SGCZ: variants seen among roughly 807,000 people sequenced by gnomAD.
SGCZ encodes zeta-sarcoglycan.
In SGCZ, 40 loss-of-function variants were observed where a neutral mutation model predicts 41.3. The ratio of observed to expected loss-of-function variants is 0.97; its 90% CI spans 0.75 to 1.26. SGCZ has a LOEUF of 1.26. Among genes scored for constraint, SGCZ ranks in the 50% most tolerant of loss-of-function variants. The pLI, the probability that SGCZ is intolerant of heterozygous loss-of-function variation, is 0.00. For synonymous variants in SGCZ, 206 were observed against 137.5 expected (o/e 1.50, Z -3.49); for missense variants, 552 against 369.8 (o/e 1.49, Z -4.04).
At chr8:14,827,958 G>C (rs994915529) in intron 1 of SGCZ, among the ~76,000 whole-genome samples, 1 of 152,052 alleles carries the variant, frequency 6.6e-6, no homozygotes, top group South Asian at 2.1e-4. Context: ...AAAGAACTAG[G>C]CAAAGTGTTC....
chr8:14,134,300 T>A (rs1803128935), intron 5 of SGCZ, among the ~76,000 whole-genome samples: 1 of 152,236 alleles, frequency 6.6e-6, no homozygotes, highest in South Asian at 2.1e-4. Flanking sequence ...ATAATTTTTG[T>A]CCTCCAGAAC....
chr8:14,238,638 A>T (rs1484572291), intron 3 of SGCZ, among the ~76,000 whole-genome samples: 3 of 152,166 alleles, frequency 2.0e-5, no homozygotes, highest in African/African-American at 7.2e-5. Flanking sequence ...AAATCCCTAC[A>T]TTCTCATTTT....
chr8:15,135,661 T>C (rs1249384504), intron 1 of SGCZ, among the ~76,000 whole-genome samples: 1 of 152,186 alleles, frequency 6.6e-6, no homozygotes, highest in African/African-American at 2.4e-5. Context: ...TTAAGGTAAG[T>C]AAGCAAGTCA....
chr8:15,189,939 G>A (rs1800477278), intron 1 of SGCZ, among the ~76,000 whole-genome samples: 1 of 151,986 alleles, frequency 6.6e-6, no homozygotes, highest in Admixed American at 6.6e-5. Context: ...GATTTCCTTT[G>A]TTCCACAGTC....
intron 1 of SGCZ, among the ~76,000 whole-genome samples, chr8:14,818,566 C>T (rs750485160): frequency 2.0e-5 from 3 of 152,024 alleles, no homozygotes; most frequent in Non-Finnish European, 4.4e-5. Flanking sequence ...TACAATAAGT[C>T]TCCACTAACA....
intron 2 of SGCZ, among the ~76,000 whole-genome samples, chr8:14,353,261 C>T (rs1176194532): frequency 6.6e-6 from 1 of 152,058 alleles, no homozygotes; most frequent in East Asian, 1.9e-4. Flanking sequence ...TAGAAACTAA[C>T]ACAAAAATAT....
intron 1 of SGCZ, among the ~76,000 whole-genome samples, chr8:15,077,434 T>C (rs1805576717): frequency 6.6e-6 from 1 of 152,252 alleles, no homozygotes; most frequent in African/African-American, 2.4e-5. Flanking sequence ...AAGAATTAGA[T>C]TAGCAAAAGC....
At chr8:14,723,949 A>G (rs1435884516) in intron 1 of SGCZ, among the ~76,000 whole-genome samples, 1 of 152,102 alleles carries the variant, frequency 6.6e-6, no homozygotes, top group African/African-American at 2.4e-5. Flanking sequence ...TATGATAATG[A>G]TGAGTTCTGA....
intron 1 of SGCZ, among the ~76,000 whole-genome samples, chr8:15,182,060 C>G (rs2117089429): frequency 6.6e-6 from 1 of 152,168 alleles, no homozygotes; most frequent in South Asian, 2.1e-4. Flanking sequence ...TAGAGGAAAC[C>G]ATTTTATTCA....
intron 1 of SGCZ, among the ~76,000 whole-genome samples, chr8:15,208,810 A>T (rs1482894656): frequency 6.6e-6 from 1 of 152,040 alleles, no homozygotes; most frequent in Non-Finnish European, 1.5e-5. Flanking sequence ...ATATACAGGG[A>T]TACATATATA....
chr8:14,425,497 T>G (rs1799755657), intron 2 of SGCZ, among the ~76,000 whole-genome samples: 2 of 152,038 alleles, frequency 1.3e-5, no homozygotes, highest in Admixed American at 1.3e-4. Flanking sequence ...GGCAGCCACC[T>G]GTAATCCCAG....
intron 2 of SGCZ, among the ~76,000 whole-genome samples, chr8:14,339,268 C>G (rs527955103): frequency 7.9e-4 from 121 of 152,236 alleles, no homozygotes; most frequent in Admixed American, 2.4e-3. Context: ...TAATGCAGAT[C>G]TAATTTGGTT....
chr8:14,782,155 T>G (rs1281398798), intron 1 of SGCZ, among the ~76,000 whole-genome samples: 1 of 152,174 alleles, frequency 6.6e-6, no homozygotes, highest in African/African-American at 2.4e-5. Context: ...GATAAACGAC[T>G]ACTGGGACTG....
chr8:14,598,149 G>A (rs1805472371), intron 1 of SGCZ, among the ~76,000 whole-genome samples: 2 of 152,104 alleles, frequency 1.3e-5, no homozygotes, highest in Non-Finnish European at 2.9e-5. Flanking sequence ...ACACTTGGAA[G>A]AAGGTTGAGA....
At chr8:14,590,931 G>A (rs755173488) in intron 1 of SGCZ, among the ~76,000 whole-genome samples, 128 of 149,570 alleles carry the variant, frequency 8.6e-4, no homozygotes, top group Non-Finnish European at 1.5e-3. Flanking sequence ...TCATATATGT[G>A]CTATATAATG....
Position 15,153,896 on chromosome 8 carries a change from G to A in SGCZ, c.39+83689C>T, listed in dbSNP as rs552949902. Among the ~76,000 whole-genome samples, 7 of 152,160 alleles carry A rather than the reference G, an allele frequency of 4.6e-5. No individual in the cohort carries two copies. In the East Asian group the frequency reaches 1.4e-3, roughly 29 times the overall value. ...TTTTGGCACCAGGGACCAGTTTTGT[G>A]GAAGACAAGTTTTCCAGGGATGTAG... is the stretch of plus-strand genomic sequence containing the variant. On this transcript the variant is annotated intron_variant, in intron 1 of 7. Transcript: ENST00000382080.
At position 14,621,170 on chromosome 8, in the gene SGCZ, C is replaced by A. The variant is rs188407471; in HGVS notation, c.40-66244G>T. Among the ~76,000 whole-genome samples, 1,390 of 151,574 alleles carry A rather than the reference C, an allele frequency of 9.2e-3. 17 individuals are homozygous for A. Among genetic ancestry groups the A allele is most frequent in the African/African-American group, 0.032 (1,320 of 41,312 alleles). On this transcript the variant is annotated intron_variant, in intron 1 of 7. Transcript: ENST00000382080. Reference sequence around the variant, plus strand: ...GGATGAAGCTGGAAACCATCATTCTCAGCAAACTATCACAAGGACAAAAAA... The same window carrying A: ...GGATGAAGCTGGAAACCATCATTCTAAGCAAACTATCACAAGGACAAAAAA...
chr8:14,997,188 C>T (rs1477187967), intron 1 of SGCZ, among the ~76,000 whole-genome samples: 1 of 152,148 alleles, frequency 6.6e-6, no homozygotes, highest in Non-Finnish European at 1.5e-5. Flanking sequence ...ATCTAATTCT[C>T]AGTGTTATAT....
intron 7 of SGCZ, among the ~76,000 whole-genome samples, chr8:14,098,016 C>T (rs1801897147): frequency 1.3e-5 from 2 of 152,112 alleles, no homozygotes; most frequent in Non-Finnish European, 2.9e-5. Flanking sequence ...ACCTTACTTT[C>T]CCTGCTAAAT....
Sources: gnomAD v4.1 joint callset for allele counts (sites outside exome capture counted in the v4.1 genomes callset) on GRCh38, gnomAD v4.1.1 for gene constraint, MANE v1.5 for transcripts, NCBI Gene and HGNC (gene_info 2026-07-23, HGNC 2026-07-21) for gene names.